The following OR2AT4 variants were observed in gnomAD, a reference collection of about 807,000 sequenced individuals.
The protein encoded by OR2AT4 is olfactory receptor family 2 subfamily AT member 4.
OR2AT4 carries 6 observed loss-of-function variants against 10.3 expected under a neutral mutation model. The ratio of observed to expected loss-of-function variants is 0.58; its 90% CI spans 0.32 to 1.15. The LOEUF is 1.15. OR2AT4 is among the 50% of genes most tolerant of loss of function. OR2AT4 has a pLI of 0.05. For synonymous variants in OR2AT4, 145 were observed against 159.1 expected, an observed-to-expected ratio of 0.91 and a Z score of 0.67; for missense variants, 354 against 393.8, an observed-to-expected ratio of 0.90 and a Z score of 0.85.
At chr11:75,085,332 A>C (rs753644454) in exon 2 of OR2AT4, 1 of 152,066 alleles carries the variant, frequency 6.6e-6, no homozygotes, top group Admixed American at 6.6e-5. Flanking sequence ...ATAATGGAAA[A>C]ATTTCTATAT....
exon 2 of OR2AT4, chr11:75,085,423 C>T (rs918491181): frequency 3.3e-5 from 5 of 151,870 alleles, no homozygotes; most frequent in African/African-American, 4.8e-5. Flanking sequence ...CAAATTCTAC[C>T]AAATATTTAA....
rs369166223 is a variant in OR2AT4 at position 75,089,019 on chromosome 11, C to G, written c.695G>C (p.Arg232Pro). Residue 232 changes from arginine (R) to proline (P), a missense_variant, in exon 2 of 2, where the codon CGC (arginine) becomes CCC (proline). Arg to Pro is a moderately radical substitution (Grantham distance 103). Coordinates refer to ENST00000641504, the Ensembl canonical transcript of OR2AT4. ...TGCCCGTCCTTCTAGGGAACTGATG[C>G]GAAGCACTGAGGCCAGGATGTGGAC... 3.7e-5 allele frequency: 59 copies of G among 1,613,930 alleles called. No individual in the cohort carries two copies. In the East Asian group the frequency reaches 1.1e-3, roughly 31 times the overall value.
chr11:75,086,712 G>A (rs926087272), exon 2 of OR2AT4: 8 of 152,164 alleles, frequency 5.3e-5, no homozygotes, highest in African/African-American at 1.9e-4. Context: ...AGCCTACATT[G>A]ACACATCATT....
intron 1 of OR2AT4, among the ~76,000 whole-genome samples, chr11:75,091,116 C>T (rs1011429560): frequency 1.3e-5 from 2 of 152,202 alleles, no homozygotes; most frequent in Admixed American, 1.3e-4. Context: ...TGAAACTCAG[C>T]CCTAACCTAA....
At chr11:75,089,201 C>T (rs1399713046) in exon 2 of OR2AT4, 3 of 1,614,138 alleles carry the variant, frequency 1.9e-6, no homozygotes, top group East Asian at 4.5e-5. Flanking sequence ...TGTTATATGC[C>T]ATCTGGGAGG....
chr11:75,085,733 T>A (rs1333629776), exon 2 of OR2AT4: 2 of 152,092 alleles, frequency 1.3e-5, no homozygotes, highest in African/African-American at 4.8e-5. Flanking sequence ...AGAGATATAT[T>A]ATATTCATGG....
chr11:75,092,247 A>G (rs888477091), intron 1 of OR2AT4, among the ~76,000 whole-genome samples: 1 of 152,236 alleles, frequency 6.6e-6, no homozygotes, highest in Non-Finnish European at 1.5e-5. Context: ...ATATGTAGTA[A>G]CTGGTACCTT....
chr11:75,088,479 C>T (rs1949300374), exon 2 of OR2AT4: 1 of 263,708 alleles, frequency 3.8e-6, no homozygotes, highest in South Asian at 1.5e-4. Context: ...TTATTTCAAT[C>T]TTCTACATTC....
At chr11:75,094,466 G>A (rs1949336929) in intron 1 of OR2AT4, among the ~76,000 whole-genome samples, 1 of 152,166 alleles carries the variant, frequency 6.6e-6, no homozygotes, top group African/African-American at 2.4e-5. Flanking sequence ...AGACATATGA[G>A]GCAGGGCACA....
chr11:75,086,964 C>G (rs540208462), exon 2 of OR2AT4: 1 of 152,158 alleles, frequency 6.6e-6, no homozygotes, highest in Admixed American at 6.6e-5. Context: ...CATTATGTAA[C>G]CTTTTTAGAT....
In OR2AT4 at chr11:75,089,904, A is replaced by G. The variant is rs569279067; in HGVS notation, c.-191T>C. The G allele has an allele frequency of 1.8e-6, 1 of 552,188 alleles. No individual in the cohort carries two copies. Among genetic ancestry groups the G allele is most frequent in the South Asian group, 3.9e-5 (1 of 25,828 alleles). 34.2% of individuals were successfully genotyped at this position (552,188 alleles called of 1,614,324 possible). A position where few individuals can be genotyped will look rare whatever the true frequency, so the allele number is the denominator to read the frequency against. On this transcript the variant is annotated 5_prime_UTR_variant, in exon 2 of 2. The change abolishes an upstream ATG in the 5' untranslated region. Coordinates refer to ENST00000641504, the Ensembl canonical transcript of OR2AT4. ...AGGGGCTATGGTATTGACTTTTGCCATGTGAACGCAAAATTTGTCAAATAT... is the reference window on the plus strand; with the variant it reads ...AGGGGCTATGGTATTGACTTTTGCCGTGTGAACGCAAAATTTGTCAAATAT...
chr11:75,094,333 A>G (rs1949335766), intron 1 of OR2AT4, among the ~76,000 whole-genome samples: 1 of 152,098 alleles, frequency 6.6e-6, no homozygotes, highest in South Asian at 2.1e-4. Flanking sequence ...TTCCTTCTCC[A>G]TATATTTGGC....
exon 2 of OR2AT4, chr11:75,086,342 T>C (rs1405427724): frequency 2.6e-5 from 4 of 152,154 alleles, no homozygotes; most frequent in African/African-American, 9.7e-5. Context: ...AGTTAGGCTT[T>C]ATCAAAATTG....
At chr11:75,093,843 A>T in intron 1 of OR2AT4, among the ~76,000 whole-genome samples, 1 of 80,806 alleles carries the variant, frequency 1.2e-5, no homozygotes. Flanking sequence ...TTTTTTTGAG[A>T]CAGAGTCTTG....
intron 1 of OR2AT4, among the ~76,000 whole-genome samples, chr11:75,095,669 C>T (rs1264514791): frequency 7.0e-6 from 1 of 142,764 alleles, no homozygotes; most frequent in African/African-American, 2.5e-5. Context: ...ATAGTTTTCA[C>T]CTAACCTCTT....
At chr11:75,088,821 C>T (rs1195130090) in exon 2 of OR2AT4, 3 of 1,607,038 alleles carry the variant, frequency 1.9e-6, no homozygotes, top group Non-Finnish European at 1.7e-6. Context: ...ATCCCTGTTT[C>T]TCAGCGTGTA....
At position 75,089,303 on chromosome 11, in the gene OR2AT4, G is replaced by T; in HGVS notation, c.411C>A (p.Tyr137Ter). The change falls in exon 2 of 2, where the codon TAC becomes TAA. Residue 137 changes from tyrosine (Y) to a stop codon, truncating the protein, a stop_gained. Coordinates refer to ENST00000641504, the Ensembl canonical transcript of OR2AT4. LOFTEE classifies it high-confidence loss of function. ...TGGTCTGTGGGTTCATGAGGACAGG[G>T]TAGTGCAGTGGGTGGCAGATAGCCA... is the stretch of plus-strand genomic sequence containing the variant. The T allele has an allele frequency of 6.2e-7, 1 of 1,614,196 alleles. No individual in the cohort carries two copies. The highest frequency in any genetic ancestry group is 8.5e-7 in the Non-Finnish European group (1 of 1,180,028).
intron 1 of OR2AT4, among the ~76,000 whole-genome samples, chr11:75,092,487 G>A (rs1225526301): frequency 5.3e-5 from 8 of 152,144 alleles, no homozygotes; most frequent in Admixed American, 5.2e-4. Flanking sequence ...AATCTATGTA[G>A]AGATATAGAT....
At chr11:75,081,979 TCCTCTCAAACTACCAA>T in exon 2 of OR2AT4, 1 of 152,260 alleles carries the variant, frequency 6.6e-6, no homozygotes, top group East Asian at 1.9e-4. Flanking sequence ...TGAATGCTAT[TCCTCTCAAACTACCAA>T]CATCATTTTT....
Sources: gnomAD v4.1 joint callset for allele counts (sites outside exome capture counted in the v4.1 genomes callset) on GRCh38, gnomAD v4.1.1 for gene constraint, MANE v1.5 for transcripts, NCBI Gene and HGNC (gene_info 2026-07-23, HGNC 2026-07-21) for gene names.